Variants in EVA1C observed in about 807,000 individuals in gnomAD.
EVA1C encodes protein eva-1 homolog C.
EVA1C carries 25 observed loss-of-function variants against 45.4 expected under a neutral mutation model. The observed-to-expected ratio is 0.55, with a 90% CI of 0.40 to 0.77. The LOEUF is 0.77. Among genes scored for constraint, EVA1C ranks in the 30% least tolerant of loss-of-function variants. The pLI is 0.00. For missense variants in EVA1C, 479 were observed against 554.8 expected, an observed-to-expected ratio of 0.86 and a Z score of 1.37; for synonymous variants, 190 against 221.2, an observed-to-expected ratio of 0.86 and a Z score of 1.25.
rs950468423 is a variant in EVA1C at position 32,467,914 on chromosome 21, ATATATATCC to A, written c.634+74_634+82del. On this transcript the variant is annotated intron_variant, in intron 4 of 7. Transcript: ENST00000300255. ...GGGACAGAATTAATAGAATATATAT[ATATATATCC>A]TATATATATCCTATATGATTGTGAA... 1,222 of 1,016,284 alleles carry A rather than the reference ATATATATCC, an allele frequency of 1.2e-3. 14 individuals carry two copies. The highest frequency in any genetic ancestry group is 3.7e-3 in the South Asian group (129 of 35,166). The allele number at this position is 1,016,284 out of a possible 1,614,324, so 63.0% of individuals were successfully genotyped here.
chr21:32,507,409 TG>T (rs2037757627), intron 7 of EVA1C, among the ~76,000 whole-genome samples: 2 of 47,404 alleles, frequency 4.2e-5, no homozygotes, highest in African/African-American at 4.2e-4. Flanking sequence ...AGCATGTGCA[TG>T]TGTGTGTATG....
intron 7 of EVA1C, among the ~76,000 whole-genome samples, chr21:32,508,271 T>A (rs1240560053): frequency 6.6e-6 from 1 of 152,202 alleles, no homozygotes; most frequent in Non-Finnish European, 1.5e-5. Context: ...TGGCCTAATA[T>A]TTCCGTCACT....
intron 1 of EVA1C, among the ~76,000 whole-genome samples, chr21:32,438,185 T>C (rs2035034603): frequency 6.7e-6 from 1 of 149,170 alleles, no homozygotes; most frequent in South Asian, 2.1e-4. Flanking sequence ...ATTCCAATTC[T>C]CCTCTTTCCA....
intron 1 of EVA1C, among the ~76,000 whole-genome samples, chr21:32,419,185 T>C (rs1324039740): frequency 1.3e-5 from 2 of 152,108 alleles, no homozygotes; most frequent in Non-Finnish European, 2.9e-5. Flanking sequence ...GTTGCGTAGA[T>C]GAGTTCATGA....
intron 1 of EVA1C, among the ~76,000 whole-genome samples, chr21:32,437,158 T>TCAAAA (rs776137732): frequency 2.1e-4 from 31 of 144,268 alleles, no homozygotes; most frequent in East Asian, 6.1e-4. Context: ...AGACTCTTTC[T>TCAAAA]CAAAACAAAA....
At position 32,514,797 on chromosome 21, in the gene EVA1C, T is replaced by C. The variant is rs918074913; in HGVS notation, c.950-17T>C. 4 of 1,528,298 alleles carry C rather than the reference T, an allele frequency of 2.6e-6. No homozygotes were observed. Among genetic ancestry groups the C allele is most frequent in the Non-Finnish European group, 3.5e-6 (4 of 1,137,454 alleles). 94.7% of individuals were successfully genotyped at this position (1,528,298 alleles called of 1,614,324 possible). ...CCAGCTCCTCCCAGCTCCTGACATGTTCTCTTCCTCCTGCAGCCCACCCGG... is the reference window on the plus strand; with the variant it reads ...CCAGCTCCTCCCAGCTCCTGACATGCTCTCTTCCTCCTGCAGCCCACCCGG... On this transcript the variant is annotated splice_polypyrimidine_tract_variant and intron_variant, in intron 7 of 7. Coordinates refer to ENST00000300255, the MANE Select transcript of EVA1C (RefSeq NM_058187.5).
At chr21:32,449,010 GGGAAGGAAGGAA>G (rs201656148) in intron 1 of EVA1C, among the ~76,000 whole-genome samples, 2 of 149,020 alleles carry the variant, frequency 1.3e-5, no homozygotes, top group African/African-American at 5.0e-5. Flanking sequence ...GAGGGAGGGT[GGGAAGGAAGGAA>G]GGAAGGAAAG....
At chr21:32,456,831 A>C (rs1003643590) in intron 2 of EVA1C, among the ~76,000 whole-genome samples, 1 of 152,154 alleles carries the variant, frequency 6.6e-6, no homozygotes, top group African/African-American at 2.4e-5. Context: ...GAGCCTTCCC[A>C]GGACCTGGAG....
chr21:32,500,190 A>T (rs1336005005), intron 5 of EVA1C, among the ~76,000 whole-genome samples: 584 of 91,002 alleles, frequency 6.4e-3, no homozygotes, highest in Admixed American at 9.2e-3. Context: ...TAACCACCCT[A>T]TTTTTTTTTT....
chr21:32,457,498 C>T (rs1466671263), intron 2 of EVA1C, 99 bp from the exon 3 acceptor site: 13 of 1,427,716 alleles, frequency 9.1e-6, no homozygotes, highest in South Asian at 3.6e-5. Context: ...GGTGGGGAGG[C>T]GTCCTTCCCT....
chr21:32,439,713 T>C (rs1422748251), intron 1 of EVA1C, among the ~76,000 whole-genome samples: 1 of 152,116 alleles, frequency 6.6e-6, no homozygotes, highest in Non-Finnish European at 1.5e-5. Flanking sequence ...GGCTGTGGCT[T>C]TTTTGCTGCT....
At chr21:32,466,922 C>T (rs1351355904) in intron 3 of EVA1C, among the ~76,000 whole-genome samples, 4 of 152,008 alleles carry the variant, frequency 2.6e-5, no homozygotes, top group Non-Finnish European at 4.4e-5. Flanking sequence ...CAGCCTCCCA[C>T]CCAAAATGCT....
intron 2 of EVA1C, among the ~76,000 whole-genome samples, chr21:32,455,275 C>T (rs1398833412): frequency 6.6e-6 from 1 of 151,904 alleles, no homozygotes; most frequent in Non-Finnish European, 1.5e-5. Context: ...TTATAACAAG[C>T]CTAGTGCCAC....
At chr21:32,490,079 C>T (rs2037104834) in intron 4 of EVA1C, among the ~76,000 whole-genome samples, 1 of 152,170 alleles carries the variant, frequency 6.6e-6, no homozygotes, top group Non-Finnish European at 1.5e-5. Context: ...GCTGGGATTA[C>T]AGACATGAGC....
chr21:32,464,368 C>T (rs1275411510), intron 3 of EVA1C, among the ~76,000 whole-genome samples: 1 of 152,114 alleles, frequency 6.6e-6, no homozygotes, highest in Non-Finnish European at 1.5e-5. Context: ...CTTGAATGTT[C>T]CCGTCCTCAT....
intron 1 of EVA1C, among the ~76,000 whole-genome samples, chr21:32,413,670 G>C (rs1312261559): frequency 6.6e-6 from 1 of 152,206 alleles, no homozygotes; most frequent in African/African-American, 2.4e-5. Context: ...CGTGATCCAG[G>C]CTCTCGCAGC....
chr21:32,436,829 G>A (rs73365152), intron 1 of EVA1C, among the ~76,000 whole-genome samples: 4,854 of 152,044 alleles, frequency 0.032, 250 homozygotes, highest in African/African-American at 0.11. Flanking sequence ...GTCTGCCCAC[G>A]CACATGTTCT....
chr21:32,416,906 C>T (rs118150641), intron 1 of EVA1C, among the ~76,000 whole-genome samples: 2,341 of 152,282 alleles, frequency 0.015, 36 homozygotes, highest in Non-Finnish European at 0.02. Flanking sequence ...TTAAGGCCTT[C>T]CTTGTACCCA....
At chr21:32,464,562 C>G (rs2036108566) in intron 3 of EVA1C, among the ~76,000 whole-genome samples, 1 of 152,034 alleles carries the variant, frequency 6.6e-6, no homozygotes, top group African/African-American at 2.4e-5. Context: ...TGACTCACGC[C>G]TGTAATCCCA....
Sources: gnomAD v4.1 joint callset for allele counts (sites outside exome capture counted in the v4.1 genomes callset) on GRCh38, gnomAD v4.1.1 for gene constraint, MANE v1.5 for transcripts, NCBI Gene and HGNC (gene_info 2026-07-23, HGNC 2026-07-21) for gene names.